The following STPG2 variants were observed in gnomAD, a reference collection of about 807,000 sequenced individuals.
STPG2 encodes sperm tail PG-rich repeat containing 2.
In STPG2, 56 loss-of-function variants were observed where a neutral mutation model predicts 54.2. That is an observed-to-expected ratio of 1.03 (90% CI 0.83 to 1.29). STPG2 has a LOEUF of 1.29. Among genes scored for constraint, STPG2 ranks in the 50% most tolerant of loss-of-function variants. The pLI is 0.00. For synonymous variants in STPG2, 200 were observed against 181.8 expected (o/e 1.10, Z -0.81); for missense variants, 596 against 544.9 (o/e 1.09, Z -0.93).
At chr4:97,857,506 C>A (rs1729372554) in intron 8 of STPG2, among the ~76,000 whole-genome samples, 2 of 151,956 alleles carry the variant, frequency 1.3e-5, no homozygotes, top group Admixed American at 1.3e-4. Flanking sequence ...GTGGTGATAT[C>A]CCCTTATTTC....
At chr4:97,492,405 TCCTC>T (rs1730521515) in intron 4 of STPG2, among the ~76,000 whole-genome samples, 1 of 151,530 alleles carries the variant, frequency 6.6e-6, no homozygotes, top group African/African-American at 2.4e-5. Flanking sequence ...TCTCCCTGAC[TCCTC>T]AGAAGTTTAA....
intron 5 of STPG2, among the ~76,000 whole-genome samples, chr4:98,002,115 A>G (rs910336410): frequency 6.6e-6 from 1 of 152,034 alleles, no homozygotes; most frequent in African/African-American, 2.4e-5. Context: ...ATCATGATGA[A>G]ATTATAATGT....
At chr4:97,809,496 C>T (rs375702441) in intron 9 of STPG2, among the ~76,000 whole-genome samples, 1 of 152,134 alleles carries the variant, frequency 6.6e-6, no homozygotes, top group African/African-American at 2.4e-5. Context: ...ATTAGGTGAA[C>T]CCTTTAAAAG....
intron 5 of STPG2, among the ~76,000 whole-genome samples, chr4:98,053,036 T>G (rs1737371151): frequency 6.6e-6 from 1 of 152,180 alleles, no homozygotes; most frequent in Non-Finnish European, 1.5e-5. Context: ...ATAAAAGGAC[T>G]GATGAAACAT....
chr4:97,510,965 C>A (rs182600386), intron 4 of STPG2, among the ~76,000 whole-genome samples: 8 of 151,890 alleles, frequency 5.3e-5, no homozygotes, highest in African/African-American at 1.9e-4. Context: ...AAACTCCCAT[C>A]TCTAATAATA....
chr4:97,839,719 T>C (rs1349790752), intron 9 of STPG2, among the ~76,000 whole-genome samples: 1 of 151,614 alleles, frequency 6.6e-6, no homozygotes, highest in Non-Finnish European at 1.5e-5. Context: ...AAAATGGATC[T>C]ATAAGCTGGC....
chr4:97,944,606 C>A (rs1319478963), intron 7 of STPG2, among the ~76,000 whole-genome samples: 1 of 152,032 alleles, frequency 6.6e-6, no homozygotes, highest in Non-Finnish European at 1.5e-5. Context: ...ATAGAATAAA[C>A]AGCAGCAACA....
chr4:97,847,315 T>C (rs930798962), intron 8 of STPG2, among the ~76,000 whole-genome samples: 1 of 152,166 alleles, frequency 6.6e-6, no homozygotes, highest in Admixed American at 6.6e-5. Context: ...ATATTCATCA[T>C]TGTAAACATA....
chr4:97,875,116 G>T (rs1391811863), intron 8 of STPG2, among the ~76,000 whole-genome samples: 1 of 151,774 alleles, frequency 6.6e-6, no homozygotes, highest in Non-Finnish European at 1.5e-5. Context: ...CCAGTTTTTG[G>T]TTAATAATAA....
chr4:98,042,497 C>T (rs1736994021), intron 5 of STPG2, among the ~76,000 whole-genome samples: 1 of 151,374 alleles, frequency 6.6e-6, no homozygotes, highest in Non-Finnish European at 1.5e-5. Context: ...TTGCTGTGTC[C>T]CAGATGTTCT....
At chr4:97,612,196 A>C (rs1294271076) in intron 10 of STPG2, among the ~76,000 whole-genome samples, 1 of 151,712 alleles carries the variant, frequency 6.6e-6, no homozygotes, top group Non-Finnish European at 1.5e-5. Context: ...TTATCCCATA[A>C]TACCACACAC....
intron 9 of STPG2, among the ~76,000 whole-genome samples, chr4:97,778,535 G>T (rs1438303825): frequency 6.6e-6 from 1 of 152,162 alleles, no homozygotes; most frequent in Non-Finnish European, 1.5e-5. Context: ...AAGGCAGCAG[G>T]AACCTCTGCA....
intron 9 of STPG2, among the ~76,000 whole-genome samples, chr4:97,784,023 A>C (rs1385355427): frequency 1.3e-5 from 2 of 151,828 alleles, no homozygotes; most frequent in African/African-American, 4.8e-5. Context: ...CATATGTAAC[A>C]AACCTGCACG....
At chr4:97,630,750 G>A (rs1488527014) in intron 10 of STPG2, among the ~76,000 whole-genome samples, 1 of 151,652 alleles carries the variant, frequency 6.6e-6, no homozygotes, top group Non-Finnish European at 1.5e-5. Flanking sequence ...CTCTATTAAA[G>A]GAGGTAGTCA....
chr4:97,452,700 A>T (rs1729408440), intron 4 of STPG2, among the ~76,000 whole-genome samples: 1 of 152,148 alleles, frequency 6.6e-6, no homozygotes, highest in South Asian at 2.1e-4. Flanking sequence ...AGACCTGCAG[A>T]GACATCAGGA....
At chr4:98,054,446 A>G (rs1737422332) in intron 5 of STPG2, among the ~76,000 whole-genome samples, 2 of 152,306 alleles carry the variant, frequency 1.3e-5, no homozygotes, top group South Asian at 2.1e-4. Context: ...GTGAGCAAAA[A>G]TAACTAATAT....
chr4:97,909,168 TAAG>T (rs1348502868), intron 8 of STPG2, among the ~76,000 whole-genome samples: 1 of 151,724 alleles, frequency 6.6e-6, no homozygotes. Flanking sequence ...TCAGGAATTT[TAAG>T]AAGCAATTGT....
chr4:98,129,819 A>G (rs911959152), intron 2 of STPG2, among the ~76,000 whole-genome samples: 1 of 152,216 alleles, frequency 6.6e-6, no homozygotes, highest in African/African-American at 2.4e-5. Context: ...ATGCCCATGT[A>G]GAATTATGTT....
chr4:97,752,752 G>A (rs1279509559), intron 9 of STPG2, among the ~76,000 whole-genome samples: 5 of 151,660 alleles, frequency 3.3e-5, no homozygotes, highest in Admixed American at 6.6e-5. Flanking sequence ...TGTTTCCCTC[G>A]CCAAGATTTA....
Sources: allele counts gnomAD v4.1 joint callset (sites outside exome capture counted in the v4.1 genomes callset), GRCh38; gene constraint gnomAD v4.1.1; transcripts MANE v1.5; gene names NCBI Gene and HGNC (gene_info 2026-07-23, HGNC 2026-07-21).